The following SLCO3A1 variants were observed in gnomAD, a reference collection of about 807,000 sequenced individuals.
SLCO3A1 encodes solute carrier organic anion transporter family member 3A1.
SLCO3A1 carries 27 observed loss-of-function variants against 63.1 expected under a neutral mutation model. That is an observed-to-expected ratio of 0.43 (90% CI 0.32 to 0.59). SLCO3A1 has a LOEUF of 0.59. Among genes scored for constraint, SLCO3A1 ranks in the 20% least tolerant of loss-of-function variants. The pLI is 0.09. For synonymous variants in SLCO3A1, 473 were observed against 409.9 expected, an observed-to-expected ratio of 1.15 and a Z score of -1.86; for missense variants, 773 against 945.8, an observed-to-expected ratio of 0.82 and a Z score of 2.40.
At chr15:91,914,904 C>T (rs541373366) in intron 1 of SLCO3A1, among the ~76,000 whole-genome samples, 1 of 152,228 alleles carries the variant, frequency 6.6e-6, no homozygotes, top group Non-Finnish European at 1.5e-5. Flanking sequence ...TGAAATCATG[C>T]CACCTATCTT....
intron 2 of SLCO3A1, among the ~76,000 whole-genome samples, chr15:91,949,500 T>C: frequency 6.6e-6 from 1 of 151,878 alleles, no homozygotes; most frequent in East Asian, 1.9e-4. Context: ...CGTGGTGGTA[T>C]GTACCTGTAA....
In SLCO3A1 at chr15:92,165,279, A is replaced by G. The variant is rs2048484631; in HGVS notation, c.*2144A>G. The G allele has an allele frequency of 2.0e-6, 2 of 985,300 alleles. No homozygotes were observed. Among genetic ancestry groups the G allele is most frequent in the Non-Finnish European group, 1.2e-6 (1 of 829,912 alleles). The allele number at this position is 985,300 out of a possible 1,614,324, so 61.0% of individuals were successfully genotyped here. On this transcript the variant is annotated 3_prime_UTR_variant, in exon 10 of 10. Coordinates refer to ENST00000318445, the MANE Select transcript of SLCO3A1 (RefSeq NM_013272.4). ...GCTTATGAAAATGGGGACACTCATC[A>G]GTACGTTAACTACTAAAGGGGAGAT...
chr15:92,084,992 T>C (rs996676183), intron 2 of SLCO3A1, among the ~76,000 whole-genome samples: 4 of 152,310 alleles, frequency 2.6e-5, no homozygotes, highest in East Asian at 1.9e-4. Context: ...AAACTGATGT[T>C]TATGAAGTGC....
intron 3 of SLCO3A1, among the ~76,000 whole-genome samples, chr15:92,101,058 C>T (rs180929832): frequency 1.3e-5 from 2 of 152,288 alleles, no homozygotes; most frequent in Non-Finnish European, 2.9e-5. Context: ...CCAATGCAGA[C>T]ACTGATAACA....
At chr15:92,109,768 G>C (rs207962) in intron 4 of SLCO3A1, among the ~76,000 whole-genome samples, 114,152 of 151,812 alleles carry the variant, frequency 0.75, 43,036 homozygotes, top group Admixed American at 0.84. Context: ...CCGGAGCTCT[G>C]GCGTCGACCT....
intron 4 of SLCO3A1, among the ~76,000 whole-genome samples, chr15:92,113,450 G>A (rs1334802408): frequency 2.0e-5 from 3 of 152,140 alleles, no homozygotes; most frequent in African/African-American, 7.2e-5. Context: ...CTAAATGCTC[G>A]TTTCTGGTGC....
At chr15:92,004,444 A>G (rs1289951601) in intron 2 of SLCO3A1, among the ~76,000 whole-genome samples, 2 of 152,244 alleles carry the variant, frequency 1.3e-5, no homozygotes, top group Admixed American at 6.5e-5. Flanking sequence ...AGTGATGACA[A>G]TGATGATGAC....
At chr15:91,971,403 A>AAAAAAAAAAAAAAAAAAAAAAAC in intron 2 of SLCO3A1, among the ~76,000 whole-genome samples, 1 of 145,510 alleles carries the variant, frequency 6.9e-6, no homozygotes, top group Non-Finnish European at 1.5e-5. Context: ...TCAAAAAAAA[A>AAAAAAAAAAAAAAAAAAAAAAAC]AAAAAAAGCA....
intron 2 of SLCO3A1, among the ~76,000 whole-genome samples, chr15:92,093,973 C>G (rs1353408054): frequency 6.6e-6 from 1 of 152,200 alleles, no homozygotes; most frequent in African/African-American, 2.4e-5. Flanking sequence ...CTGTCCTCAT[C>G]AGATGGCCAG....
chr15:92,047,939 C>T (rs1252625157), intron 2 of SLCO3A1, among the ~76,000 whole-genome samples: 2 of 151,806 alleles, frequency 1.3e-5, no homozygotes, highest in Non-Finnish European at 2.9e-5. Flanking sequence ...TGCCCAGAAC[C>T]TTGGATCTCG....
rs923228590 is a variant in SLCO3A1, at chr15:91,941,234, G to A, written c.646+24776G>A. ...TCACTGGCCTGGCCGGAAGGTTGTAGTGTTCTCCTGAGAAGGGAATGTGAG... is the reference window on the plus strand; with the variant it reads ...TCACTGGCCTGGCCGGAAGGTTGTAATGTTCTCCTGAGAAGGGAATGTGAG... On this transcript the variant is annotated intron_variant, in intron 2 of 9. Coordinates refer to ENST00000318445, the MANE Select transcript of SLCO3A1 (RefSeq NM_013272.4). The surrounding 1 kb of genome is among the most constrained non-coding windows in gnomAD (Gnocchi z 4.4). 1 of 192,660 alleles carries A rather than the reference G, an allele frequency of 5.2e-6. No individual in the cohort carries two copies. The highest frequency in any genetic ancestry group is 1.1e-5 in the Non-Finnish European group (1 of 92,102). 11.9% of individuals were successfully genotyped at this position (192,660 alleles called of 1,614,324 possible).
chr15:91,991,607 ATTAATT>A (rs1227288710), intron 2 of SLCO3A1, among the ~76,000 whole-genome samples: 1 of 152,246 alleles, frequency 6.6e-6, no homozygotes, highest in African/African-American at 2.4e-5. Flanking sequence ...AACAGATGAA[ATTAATT>A]TTAATATTTT....
intron 2 of SLCO3A1, among the ~76,000 whole-genome samples, chr15:91,917,357 T>C (rs992351836): frequency 2.2e-4 from 34 of 152,164 alleles, no homozygotes; most frequent in African/African-American, 7.7e-4. Flanking sequence ...AATTATATTA[T>C]GGAGTTTTAA....
chr15:91,976,884 A>G (rs973651691), intron 2 of SLCO3A1, among the ~76,000 whole-genome samples: 1 of 152,198 alleles, frequency 6.6e-6, no homozygotes, highest in Non-Finnish European at 1.5e-5. Context: ...AAAGGGAGGC[A>G]GGGCGAGATC....
chr15:91,925,845 C>T (rs768803523), intron 2 of SLCO3A1, among the ~76,000 whole-genome samples: 13 of 152,170 alleles, frequency 8.5e-5, no homozygotes, highest in Non-Finnish European at 1.8e-4. Context: ...TAGATCCAGC[C>T]GTGCTTGAAG....
intron 9 of SLCO3A1, among the ~76,000 whole-genome samples, chr15:92,159,417 G>A (rs1195213176): frequency 3.3e-5 from 5 of 152,072 alleles, no homozygotes; most frequent in South Asian, 2.1e-4. Context: ...CCCAGGAGGC[G>A]GAGGTTGTAG....
chr15:91,935,060 T>C (rs1567193412), intron 2 of SLCO3A1, among the ~76,000 whole-genome samples: 1 of 152,188 alleles, frequency 6.6e-6, no homozygotes, highest in Non-Finnish European at 1.5e-5. Flanking sequence ...TTCAAGCAAT[T>C]TTCCTGCCTC....
intron 2 of SLCO3A1, among the ~76,000 whole-genome samples, chr15:92,059,746 G>A (rs1371320245): frequency 6.6e-6 from 1 of 152,218 alleles, no homozygotes; most frequent in East Asian, 1.9e-4. Flanking sequence ...AGAAGACCCT[G>A]TGACCTCATC....
At chr15:92,070,085 G>A (rs972263861) in intron 2 of SLCO3A1, among the ~76,000 whole-genome samples, 7 of 152,198 alleles carry the variant, frequency 4.6e-5, no homozygotes, top group Non-Finnish European at 1.0e-4. Flanking sequence ...CCAAAGAGGC[G>A]GAGGCAGGGT....
Sources: allele counts gnomAD v4.1 joint callset (sites outside exome capture counted in the v4.1 genomes callset), GRCh38; gene constraint gnomAD v4.1.1; non-coding constraint Gnocchi (gnomAD v3.1); transcripts MANE v1.5; gene names NCBI Gene and HGNC (gene_info 2026-07-23, HGNC 2026-07-21).